CAMKMT: variants seen among roughly 807,000 people sequenced by gnomAD.
The protein encoded by CAMKMT is CaM KMT.
CAMKMT carries 53 observed loss-of-function variants against 48.0 expected under a neutral mutation model. That is an observed-to-expected ratio of 1.10 (90% confidence interval 0.89 to 1.39). The LOEUF is 1.39. CAMKMT is among the 40% of genes most tolerant of loss of function. CAMKMT has a pLI of 0.00. For missense variants in CAMKMT, 428 were observed against 402.7 expected (o/e 1.06, Z -0.54); for synonymous variants, 165 against 152.3 (o/e 1.08, Z -0.61).
intron 7 of CAMKMT, among the ~76,000 whole-genome samples, chr2:44,734,677 T>G (rs1371783420): frequency 6.6e-6 from 1 of 152,162 alleles, no homozygotes; most frequent in Non-Finnish European, 1.5e-5. Context: ...CCTCCCAAAG[T>G]GCTGGATTAC....
chr2:44,521,682 A>G (rs1671120719), intron 3 of CAMKMT, among the ~76,000 whole-genome samples: 1 of 152,204 alleles, frequency 6.6e-6, no homozygotes, highest in South Asian at 2.1e-4. Flanking sequence ...GTTTGAATGT[A>G]GTAATCTCCC....
intron 3 of CAMKMT, among the ~76,000 whole-genome samples, chr2:44,417,992 GA>G (rs1203795967): frequency 1.3e-5 from 2 of 152,066 alleles, no homozygotes; most frequent in Non-Finnish European, 2.9e-5. Context: ...AGGAATTTGA[GA>G]CCAGCCTGAC....
chr2:44,448,776 C>T (rs1667137877), intron 3 of CAMKMT, among the ~76,000 whole-genome samples: 1 of 152,028 alleles, frequency 6.6e-6, no homozygotes, highest in South Asian at 2.1e-4. Context: ...AGTGGATAAA[C>T]AAAATGTAGT....
chr2:44,415,262 A>T (rs1683478101), intron 3 of CAMKMT, among the ~76,000 whole-genome samples: 1 of 152,260 alleles, frequency 6.6e-6, no homozygotes, highest in South Asian at 2.1e-4. Context: ...GATTTCATCA[A>T]GTAGGTAGCA....
intron 3 of CAMKMT, among the ~76,000 whole-genome samples, chr2:44,427,866 G>A (rs540594384): frequency 4.6e-4 from 70 of 152,288 alleles, no homozygotes; most frequent in African/African-American, 1.6e-3. Context: ...ACTTGCGACA[G>A]GGTTGGCTCG....
intron 3 of CAMKMT, among the ~76,000 whole-genome samples, chr2:44,647,105 T>C (rs918427884): frequency 1.3e-5 from 2 of 152,152 alleles, no homozygotes; most frequent in Non-Finnish European, 2.9e-5. Flanking sequence ...AAGACCATCC[T>C]GGCTAACATG....
chr2:44,395,108 A>C (rs1343868764), intron 3 of CAMKMT: 3 of 380,230 alleles, frequency 7.9e-6, no homozygotes, highest in East Asian at 7.3e-5. Flanking sequence ...CTTTGGAAAT[A>C]TGGTCTAAAT....
intron 3 of CAMKMT, among the ~76,000 whole-genome samples, chr2:44,444,118 T>C (rs1416572174): frequency 6.6e-6 from 1 of 152,184 alleles, no homozygotes; most frequent in Non-Finnish European, 1.5e-5. Context: ...TCTAAACTTT[T>C]CTACACGTGT....
At chr2:44,525,116 C>G (rs1671335351) in intron 3 of CAMKMT, among the ~76,000 whole-genome samples, 1 of 152,000 alleles carries the variant, frequency 6.6e-6, no homozygotes, top group Non-Finnish European at 1.5e-5. Flanking sequence ...GGAAATTTTT[C>G]AGGCATTTAT....
At chr2:44,572,913 G>A (rs34978139) in intron 3 of CAMKMT, among the ~76,000 whole-genome samples, 62,196 of 151,978 alleles carry the variant, frequency 0.41, 15,836 homozygotes, top group Non-Finnish European at 0.57. Context: ...AGAGCACAAG[G>A]GTTCCAATTG....
intron 3 of CAMKMT, among the ~76,000 whole-genome samples, chr2:44,442,487 C>A (rs1336394466): frequency 1.3e-5 from 2 of 152,134 alleles, no homozygotes; most frequent in African/African-American, 4.8e-5. Context: ...GACTTGAAAC[C>A]TATGGTTTCT....
At chr2:44,442,376 A>G (rs951895077) in intron 3 of CAMKMT, among the ~76,000 whole-genome samples, 10 of 152,164 alleles carry the variant, frequency 6.6e-5, no homozygotes, top group African/African-American at 2.4e-4. Context: ...CTCTCTATAC[A>G]TACATGTTCG....
At chr2:44,524,066 C>T (rs114988795) in intron 3 of CAMKMT, among the ~76,000 whole-genome samples, 175 of 152,148 alleles carry the variant, frequency 1.2e-3, no homozygotes, top group African/African-American at 3.9e-3. Context: ...CGTGAGCCAC[C>T]GTGTCGAACA....
intron 3 of CAMKMT, among the ~76,000 whole-genome samples, chr2:44,696,484 C>G (rs1248179831): frequency 6.6e-6 from 1 of 152,108 alleles, no homozygotes; most frequent in Non-Finnish European, 1.5e-5. Flanking sequence ...GTTATATCCC[C>G]ATTTCAGGTG....
intron 3 of CAMKMT, among the ~76,000 whole-genome samples, chr2:44,542,533 ACACACTCT>A (rs765270692): frequency 0.14 from 8,831 of 61,632 alleles, 302 homozygotes; most frequent in Admixed American, 0.3. Flanking sequence ...ACACACACAC[ACACACTCT>A]CTCTCTCTCT....
rs183100499 is a variant in CAMKMT at position 44,418,170 on chromosome 2, C to T, written c.376+27865C>T. Among the ~76,000 whole-genome samples the T allele has an allele frequency of 7.2e-3, 994 of 137,508 alleles. 9 individuals are homozygous for T. The highest frequency in any genetic ancestry group is 8.3e-3 in the Non-Finnish European group (542 of 65,684). 90.2% of individuals were successfully genotyped at this position (137,508 alleles called of 152,430 possible). On this transcript the variant is annotated intron_variant, in intron 3 of 10. Coordinates refer to ENST00000378494, the MANE Select transcript of CAMKMT (RefSeq NM_024766.5). ...TCGCGCCATTGCACTCTAGCCTGGG[C>T]GACAAGAGCGGAACTCTGTCTCAAA...
At chr2:44,495,970 CAAAGT>C (rs950603167) in intron 3 of CAMKMT, among the ~76,000 whole-genome samples, 8 of 152,164 alleles carry the variant, frequency 5.3e-5, no homozygotes, top group Non-Finnish European at 1.2e-4. Flanking sequence ...CCTAGTAACT[CAAAGT>C]AAAGAACAGT....
intron 3 of CAMKMT, chr2:44,631,513 A>T (rs1450126037): frequency 6.4e-6 from 4 of 622,252 alleles, no homozygotes; most frequent in South Asian, 3.9e-5. Flanking sequence ...TTTATTGCCC[A>T]TGTTGGTCTT....
In CAMKMT at chr2:44,520,055, C is replaced by CAAA. The variant is rs34844162; in HGVS notation, c.376+129762_376+129764dup. Among the ~76,000 whole-genome samples the CAAA allele has an allele frequency of 1.2e-3, 170 of 138,526 alleles. 1 individual carries two copies. The highest frequency in any genetic ancestry group is 4.5e-3 in the African/African-American group (166 of 37,208). The allele number at this position is 138,526 out of a possible 152,430, so 90.9% of individuals were successfully genotyped here. On this transcript the variant is annotated intron_variant, in intron 3 of 10. Transcript: ENST00000378494. The stretch of plus-strand genomic sequence containing the variant: ...TGAAACCCTGTCTCAACTAAAAATA[C>CAAA]AAAAAAAAAAAAAATTAGCCAGGCG...
Sources: gnomAD v4.1 joint callset for allele counts (sites outside exome capture counted in the v4.1 genomes callset) on GRCh38, gnomAD v4.1.1 for gene constraint, MANE v1.5 for transcripts, NCBI Gene and HGNC (gene_info 2026-07-23, HGNC 2026-07-21) for gene names.